Variants in THSD7B observed in about 807,000 individuals in gnomAD.
THSD7B encodes thrombospondin type-1 domain-containing protein 7B.
THSD7B carries 138 observed loss-of-function variants against 213.6 expected under a neutral mutation model. That is an observed-to-expected ratio of 0.65 (90% CI 0.56 to 0.74). THSD7B has a LOEUF of 0.74. THSD7B is among the 30% of genes least tolerant of loss of function. The pLI is 0.00. For missense variants in THSD7B, 1,931 were observed against 1,991.5 expected, an observed-to-expected ratio of 0.97 and a Z score of 0.58; for synonymous variants, 742 against 687.0, an observed-to-expected ratio of 1.08 and a Z score of -1.25.
At chr2:137,295,342 A>AT (rs1411258624) in intron 12 of THSD7B, among the ~76,000 whole-genome samples, 1 of 151,824 alleles carries the variant, frequency 6.6e-6, no homozygotes, top group African/African-American at 2.4e-5. Flanking sequence ...ACAAATGCAT[A>AT]TTTTTTTCTT....
chr2:137,358,524 A>G (rs1685184044), intron 12 of THSD7B, among the ~76,000 whole-genome samples: 1 of 152,240 alleles, frequency 6.6e-6, no homozygotes. Flanking sequence ...TTAACAAAAT[A>G]TCTTAAAAAT....
chr2:137,441,725 A>G (rs1368112048), intron 14 of THSD7B, among the ~76,000 whole-genome samples: 2 of 152,072 alleles, frequency 1.3e-5, no homozygotes, highest in African/African-American at 2.4e-5. Flanking sequence ...TGAAACAACA[A>G]TTGATTTATT....
At chr2:137,532,091 G>A (rs1680409232) in intron 15 of THSD7B, among the ~76,000 whole-genome samples, 1 of 151,900 alleles carries the variant, frequency 6.6e-6, no homozygotes, top group African/African-American at 2.4e-5. Flanking sequence ...AACTTACCAA[G>A]TTAATTGCGT....
chr2:137,421,989 T>C (rs1686939632), intron 14 of THSD7B, among the ~76,000 whole-genome samples: 1 of 152,200 alleles, frequency 6.6e-6, no homozygotes, highest in Non-Finnish European at 1.5e-5. Flanking sequence ...CTGAAAATCT[T>C]TGGGCTGTTT....
At chr2:137,675,958 C>G (rs1254381479) in intron 27 of THSD7B, among the ~76,000 whole-genome samples, 1 of 152,226 alleles carries the variant, frequency 6.6e-6, no homozygotes, top group Non-Finnish European at 1.5e-5. Context: ...AAGCTTTTCT[C>G]TCCATGAGAA....
chr2:136,865,495 G>A (rs1683318670), intron 1 of THSD7B, among the ~76,000 whole-genome samples: 1 of 152,168 alleles, frequency 6.6e-6, no homozygotes, highest in African/African-American at 2.4e-5. Context: ...CAGGGTATTA[G>A]AGAAACTTTG....
At position 137,020,389 on chromosome 2, in the gene THSD7B, C is replaced by T. The variant is rs2104842698; in HGVS notation, c.140-36031C>T. Among the ~76,000 whole-genome samples the T allele has an allele frequency of 1.3e-5, 2 of 152,284 alleles. 1 individual carries two copies. The highest frequency in any genetic ancestry group is 1.3e-4 in the Admixed American group (2 of 15,298). Reference sequence around the variant, plus strand: ...GAGAGACTATTGACTTCTTTCCAGACCTGCTAAATGCCTGCAATCGCTTTA... The same window carrying T: ...GAGAGACTATTGACTTCTTTCCAGATCTGCTAAATGCCTGCAATCGCTTTA... On this transcript the variant is annotated intron_variant, in intron 2 of 27. Transcript: ENST00000409968.
chr2:137,205,628 G>A lies in THSD7B; in HGVS notation c.1724-25416G>A, dbSNP rs377154641. Among the ~76,000 whole-genome samples, 39 of 152,058 alleles carry A rather than the reference G, an allele frequency of 2.6e-4. No homozygotes were observed. In the East Asian group the frequency reaches 4.7e-3, roughly 18 times the overall value. On this transcript the variant is annotated intron_variant, in intron 7 of 27. Coordinates refer to ENST00000409968, the MANE Select transcript of THSD7B (RefSeq NM_001316349.2). ...AATATTATGATTTTAGACATTGAAC[G>A]TCACTTTCCACTTTGGAAACAAATT...
At chr2:137,557,258 C>T (rs80269281) in intron 15 of THSD7B, among the ~76,000 whole-genome samples, 4,798 of 152,182 alleles carry the variant, frequency 0.032, 268 homozygotes, top group African/African-American at 0.11. Flanking sequence ...AGAACCACAC[C>T]ACACCTATTC....
chr2:137,473,453 C>A (rs1410451343), intron 15 of THSD7B, among the ~76,000 whole-genome samples: 1 of 152,054 alleles, frequency 6.6e-6, no homozygotes, highest in East Asian at 1.9e-4. Context: ...CATGATCCGC[C>A]CGCCTCGGCC....
At chr2:137,034,294 CG>C (rs1243278971) in intron 2 of THSD7B, among the ~76,000 whole-genome samples, 2 of 152,034 alleles carry the variant, frequency 1.3e-5, no homozygotes, top group African/African-American at 2.4e-5. Context: ...TTAGTAGAGA[CG>C]GGGTTTCACC....
At chr2:137,170,965 G>A in intron 7 of THSD7B, 27 bp downstream of exon 7, 1 of 1,608,738 alleles carries the variant, frequency 6.2e-7, no homozygotes. Context: ...CACTAGAGGT[G>A]TTAGGATGTT....
intron 16 of THSD7B, among the ~76,000 whole-genome samples, chr2:137,567,177 T>TTTA (rs1470330999): frequency 6.8e-6 from 1 of 147,360 alleles, no homozygotes; most frequent in Non-Finnish European, 1.5e-5. Flanking sequence ...TTTATTTTAT[T>TTTA]TTATTTTTTG....
chr2:137,180,490 A>G (rs1680434534), intron 7 of THSD7B, among the ~76,000 whole-genome samples: 1 of 152,064 alleles, frequency 6.6e-6, no homozygotes, highest in South Asian at 2.1e-4. Flanking sequence ...ACCTTGACTC[A>G]TTTATCATTT....
At chr2:137,344,232 C>T (rs774197069) in intron 12 of THSD7B, among the ~76,000 whole-genome samples, 2 of 151,698 alleles carry the variant, frequency 1.3e-5, no homozygotes, top group African/African-American at 4.8e-5. Context: ...TTCCACAAAA[C>T]TGGTCTCTAG....
At chr2:137,374,852 A>G (rs1175447965) in intron 12 of THSD7B, among the ~76,000 whole-genome samples, 1 of 152,124 alleles carries the variant, frequency 6.6e-6, no homozygotes, top group African/African-American at 2.4e-5. Context: ...ATATCAATAC[A>G]CTTGAGTTTC....
intron 15 of THSD7B, among the ~76,000 whole-genome samples, chr2:137,512,609 A>G (rs1679990090): frequency 6.6e-6 from 1 of 151,752 alleles, no homozygotes. Flanking sequence ...CCCAGGACAT[A>G]TCTTGAACTC....
At chr2:136,948,341 A>T (rs1684977755) in intron 2 of THSD7B, among the ~76,000 whole-genome samples, 1 of 152,132 alleles carries the variant, frequency 6.6e-6, no homozygotes, top group African/African-American at 2.4e-5. Flanking sequence ...AACCAACTTA[A>T]TGTGGTATTC....
intron 2 of THSD7B, among the ~76,000 whole-genome samples, chr2:137,044,908 A>G (rs989569946): frequency 1.3e-5 from 2 of 152,162 alleles, no homozygotes; most frequent in African/African-American, 4.8e-5. Context: ...GCTTGGTGTC[A>G]CTTGTTTCAG....
Sources: gnomAD v4.1 joint callset for allele counts (sites outside exome capture counted in the v4.1 genomes callset) on GRCh38, gnomAD v4.1.1 for gene constraint, MANE v1.5 for transcripts, NCBI Gene and HGNC (gene_info 2026-07-23, HGNC 2026-07-21) for gene names.